TMEM74: variants seen among roughly 807,000 people sequenced by gnomAD.
TMEM74 encodes transmembrane protein 74.
TMEM74 carries 13 observed loss-of-function variants against 18.1 expected under a neutral mutation model. The observed-to-expected ratio is 0.72, with a 90% CI of 0.47 to 1.14. The LOEUF (loss-of-function observed/expected upper bound fraction) is 1.14, where lower values mean the gene tolerates loss of function less well. Among genes scored for constraint, TMEM74 ranks in the 50% most tolerant of loss-of-function variants. The pLI is 0.00. For missense variants in TMEM74, 372 were observed against 375.9 expected, an observed-to-expected ratio of 0.99 and a Z score of 0.09; for synonymous variants, 159 against 146.6, an observed-to-expected ratio of 1.08 and a Z score of -0.61.
intron 2 of TMEM74, among the ~76,000 whole-genome samples, chr8:108,650,307 A>C (rs2130570511): frequency 6.6e-6 from 1 of 152,236 alleles, no homozygotes; most frequent in South Asian, 2.1e-4. Flanking sequence ...CTCCTAATTT[A>C]TCCTCTTTCT....
intron 1 of TMEM74, among the ~76,000 whole-genome samples, chr8:108,702,417 A>C (rs1294222687): frequency 2.6e-5 from 4 of 151,786 alleles, no homozygotes; most frequent in Non-Finnish European, 4.4e-5. Context: ...ATCTTGACAA[A>C]GGAGGAAAGG....
At position 108,723,675 on chromosome 8, in the gene TMEM74, A is replaced by C. The variant is rs533626045; in HGVS notation, n.119+63801T>G. ...AATAGCCTACAGAAGCCCTAAATTT[A>C]TTTTCAGCGTATTGAAAAAATGAAA... is the stretch of plus-strand genomic sequence containing the variant. On this transcript the variant is annotated intron_variant and non_coding_transcript_variant, in intron 1 of 3. Coordinates refer to the TMEM74 transcript ENST00000518838. 7.2e-5 allele frequency among the ~76,000 whole-genome samples: 11 copies of C among 152,270 alleles called. No individual in the cohort carries two copies. In the South Asian group the frequency reaches 1.9e-3, roughly 26 times the overall value.
intron 1 of TMEM74, among the ~76,000 whole-genome samples, chr8:108,756,597 AGAAAGGAAGG>A (rs1405703995): frequency 1.7e-4 from 12 of 68,832 alleles, no homozygotes; most frequent in African/African-American, 8.7e-4. Context: ...AGAAAGAAAG[AGAAAGGAAGG>A]AAGGAAGGAA....
chr8:108,655,253 C>T (rs1045008246), intron 2 of TMEM74: 1 of 152,038 alleles, frequency 6.6e-6, no homozygotes, highest in Non-Finnish European at 1.5e-5. Flanking sequence ...TTCTTACTTG[C>T]CAGAGGCAAA....
chr8:108,696,447 A>G (rs1489355355), intron 1 of TMEM74, among the ~76,000 whole-genome samples: 1 of 152,246 alleles, frequency 6.6e-6, no homozygotes, highest in African/African-American at 2.4e-5. Context: ...GAAACTCATT[A>G]GCAAATTATT....
intron 1 of TMEM74, among the ~76,000 whole-genome samples, chr8:108,730,634 C>CTTTTTTTTTTT (rs1199122765): frequency 7.6e-5 from 10 of 132,182 alleles, no homozygotes; most frequent in African/African-American, 2.8e-4. Context: ...TGCAGACTTC[C>CTTTTTTTTTTT]TTTTTTTTTT....
chr8:108,705,668 G>A (rs1813389750), intron 1 of TMEM74, among the ~76,000 whole-genome samples: 1 of 151,954 alleles, frequency 6.6e-6, no homozygotes, highest in Admixed American at 6.6e-5. Context: ...CAGTAAAATG[G>A]AGCTCGTACA....
rs144337867 is a variant in TMEM74 at position 108,650,220 on chromosome 8, C to T, written n.264+5073G>A. ...GTAATGGCAACTCACATCCCTCCAGCTCTTTAGGCTACACACTTTGGAGTT... is the reference window on the plus strand; with the variant it reads ...GTAATGGCAACTCACATCCCTCCAGTTCTTTAGGCTACACACTTTGGAGTT... On this transcript the variant is annotated intron_variant and non_coding_transcript_variant, in intron 2 of 3. Coordinates refer to the TMEM74 transcript ENST00000518838. Among the ~76,000 whole-genome samples, 645 of 152,254 alleles carry T rather than the reference C, an allele frequency of 4.2e-3. 6 individuals are homozygous for T. The highest frequency in any genetic ancestry group is 0.014 in the African/African-American group (574 of 41,570).
intron 1 of TMEM74, among the ~76,000 whole-genome samples, chr8:108,718,237 C>A (rs929711240): frequency 1.4e-5 from 1 of 71,090 alleles, no homozygotes; most frequent in Non-Finnish European, 2.2e-5. Context: ...GGATTACAGG[C>A]GTGAGCCACC....
chr8:108,720,193 A>AG (rs1563534786), intron 1 of TMEM74, among the ~76,000 whole-genome samples: 1 of 152,084 alleles, frequency 6.6e-6, no homozygotes, highest in East Asian at 1.9e-4. Flanking sequence ...TTTGTAAAAA[A>AG]AAAAAGTATT....
At chr8:108,738,835 C>T (rs775157808) in intron 1 of TMEM74, among the ~76,000 whole-genome samples, 2 of 152,162 alleles carry the variant, frequency 1.3e-5, no homozygotes, top group Admixed American at 6.5e-5. Flanking sequence ...TGTCATTAGG[C>T]ACTCAGACTC....
At chr8:108,616,074 T>C (rs1194960258) in intron 2 of TMEM74, among the ~76,000 whole-genome samples, 1 of 152,104 alleles carries the variant, frequency 6.6e-6, no homozygotes, top group Admixed American at 6.6e-5. Flanking sequence ...CCTGAGCCAC[T>C]GCGCCTGGCC....
chr8:108,699,743 T>G (rs1813317241), intron 1 of TMEM74, among the ~76,000 whole-genome samples: 1 of 152,132 alleles, frequency 6.6e-6, no homozygotes, highest in Non-Finnish European at 1.5e-5. Context: ...TTGAGGTTGA[T>G]CCTAAACTGT....
At chr8:108,702,183 A>T (rs1207067650) in intron 1 of TMEM74, among the ~76,000 whole-genome samples, 2 of 151,864 alleles carry the variant, frequency 1.3e-5, no homozygotes, top group Non-Finnish European at 2.9e-5. Flanking sequence ...TCTCTACTAA[A>T]AATACAAAAA....
chr8:108,705,794 T>C (rs1302909915), intron 1 of TMEM74, among the ~76,000 whole-genome samples: 1 of 152,198 alleles, frequency 6.6e-6, no homozygotes, highest in East Asian at 1.9e-4. Flanking sequence ...AAGAAGGAGT[T>C]CAGTGAGAGT....
chr8:108,760,973 A>AGTGTGTGTGTGT (rs60213902), intron 1 of TMEM74, among the ~76,000 whole-genome samples: 4 of 148,878 alleles, frequency 2.7e-5, no homozygotes, highest in African/African-American at 9.9e-5. Flanking sequence ...GTGGTTTTGG[A>AGTGTGTGTGTGT]GTGTGTGTGT....
chr8:108,767,809 A>G (rs1814126701), intron 1 of TMEM74, among the ~76,000 whole-genome samples: 1 of 152,082 alleles, frequency 6.6e-6, no homozygotes, highest in African/African-American at 2.4e-5. Context: ...CTTTGGTCTA[A>G]CATCTCAATT....
At chr8:108,709,104 T>C (rs1813449597) in intron 1 of TMEM74, among the ~76,000 whole-genome samples, 1 of 152,096 alleles carries the variant, frequency 6.6e-6, no homozygotes, top group African/African-American at 2.4e-5. Context: ...GCAGCAGCTA[T>C]GAAAAACAGT....
At chr8:108,672,960 T>C (rs1813018357) in intron 1 of TMEM74, among the ~76,000 whole-genome samples, 1 of 152,148 alleles carries the variant, frequency 6.6e-6, no homozygotes, top group African/African-American at 2.4e-5. Flanking sequence ...AGAGTTGGAA[T>C]AGTTCAAACA....
Sources: gnomAD v4.1 joint callset for allele counts (sites outside exome capture counted in the v4.1 genomes callset) on GRCh38, gnomAD v4.1.1 for gene constraint, MANE v1.5 for transcripts, NCBI Gene and HGNC (gene_info 2026-07-23, HGNC 2026-07-21) for gene names.